PRKAG2: variants seen among roughly 807,000 people sequenced by gnomAD.
PRKAG2 encodes protein kinase AMP-activated non-catalytic subunit gamma 2, also known as 5'-AMP-activated protein kinase subunit gamma-2.
PRKAG2 carries 26 observed loss-of-function variants against 69.6 expected under a neutral mutation model. The ratio of observed to expected loss-of-function variants is 0.37; its 90% CI spans 0.27 to 0.52. The LOEUF is 0.52. Ranked by LOEUF, PRKAG2 falls within the 20% of genes least tolerant of loss-of-function variation. The pLI, the probability that PRKAG2 is intolerant of heterozygous loss-of-function variation, is 0.90. For synonymous variants in PRKAG2, 293 were observed against 285.0 expected (o/e 1.03, Z -0.28); for missense variants, 557 against 740.0 (o/e 0.75, Z 2.87).
At chr7:151,604,239 T>C (rs1237371856) in intron 5 of PRKAG2, among the ~76,000 whole-genome samples, 1 of 152,202 alleles carries the variant, frequency 6.6e-6, no homozygotes, top group African/African-American at 2.4e-5. Flanking sequence ...CCTGCCTCTG[T>C]CCTGCATGCA....
intron 4 of PRKAG2, among the ~76,000 whole-genome samples, chr7:151,674,446 T>A (rs1032149336): frequency 6.6e-6 from 1 of 152,204 alleles, no homozygotes; most frequent in African/African-American, 2.4e-5. Flanking sequence ...GTTCCAGCCA[T>A]ACAGGTAGAC....
At chr7:151,629,935 T>C (rs1823970132) in intron 5 of PRKAG2, among the ~76,000 whole-genome samples, 4 of 152,170 alleles carry the variant, frequency 2.6e-5, no homozygotes, top group Non-Finnish European at 5.9e-5. Context: ...GATATTCAAT[T>C]TTCCTGTATT....
chr7:151,829,416 T>C (rs1321661399), intron 1 of PRKAG2, among the ~76,000 whole-genome samples: 1 of 152,174 alleles, frequency 6.6e-6, no homozygotes, highest in African/African-American at 2.4e-5. Context: ...TGCTGGGAAT[T>C]GCTGGTGGGA....
At chr7:151,866,960 AG>A (rs2080094709) in intron 1 of PRKAG2, among the ~76,000 whole-genome samples, 2 of 151,964 alleles carry the variant, frequency 1.3e-5, no homozygotes, top group South Asian at 4.2e-4. Context: ...CAGAGGGAGC[AG>A]GCCTGGGTCC....
chr7:151,576,298 T>C, intron 7 of PRKAG2, 73 bp downstream of exon 7: 2 of 1,291,944 alleles, frequency 1.5e-6, no homozygotes, highest in Admixed American at 1.9e-5. Context: ...CAAACCGGCA[T>C]CTATTAAAAT....
chr7:151,580,119 G>C (rs879857230), intron 6 of PRKAG2, among the ~76,000 whole-genome samples: 3 of 152,150 alleles, frequency 2.0e-5, no homozygotes, highest in African/African-American at 4.8e-5. Flanking sequence ...CAAGGTGGGG[G>C]GATCACTTGA....
chr7:151,696,922 C>T (rs907872736), intron 3 of PRKAG2, among the ~76,000 whole-genome samples: 11 of 152,056 alleles, frequency 7.2e-5, no homozygotes, highest in Non-Finnish European at 1.5e-4. Context: ...TAGGACCAGG[C>T]GCTGCCACCT....
At chr7:151,803,775 T>C (rs2077960617) in intron 1 of PRKAG2, among the ~76,000 whole-genome samples, 1 of 151,306 alleles carries the variant, frequency 6.6e-6, no homozygotes, top group South Asian at 2.1e-4. Flanking sequence ...CCATCTCTAC[T>C]AAATATACAA....
At chr7:151,840,943 A>G (rs11773761) in intron 1 of PRKAG2, among the ~76,000 whole-genome samples, 24,276 of 152,248 alleles carry the variant, frequency 0.16, 1,986 homozygotes, top group East Asian at 0.28. Flanking sequence ...AGTCCAGCCT[A>G]TGAGACAGAG....
At chr7:151,607,942 G>A (rs1817893554) in intron 5 of PRKAG2, among the ~76,000 whole-genome samples, 1 of 152,192 alleles carries the variant, frequency 6.6e-6, no homozygotes, top group African/African-American at 2.4e-5. Flanking sequence ...GGTCTCTGCA[G>A]ATGTAACTAA....
intron 1 of PRKAG2, among the ~76,000 whole-genome samples, chr7:151,801,421 C>CT (rs5888452): frequency 0.72 from 109,021 of 152,020 alleles, 39,433 homozygotes; most frequent in African/African-American, 0.82. Context: ...CCTTGGCCCC[C>CT]AGGCTGGGGC....
In PRKAG2 at chr7:151,781,960, A is replaced by G. The variant is rs377661467; in HGVS notation, c.187-529T>C. Among the ~76,000 whole-genome samples, 20 of 152,048 alleles carry G rather than the reference A, an allele frequency of 1.3e-4. No individual in the cohort carries two copies. The highest frequency in any genetic ancestry group is 2.9e-4 in the Non-Finnish European group (20 of 68,018). ...AGCATTTGAAAGACTGAGGTTGCCA[A>G]CAGAAGTCAGGAGAAAAGTTCACAA... On this transcript the variant is annotated intron_variant, in intron 2 of 15. Coordinates refer to ENST00000287878, the MANE Select transcript of PRKAG2 (RefSeq NM_016203.4). The surrounding 1 kb of genome is among the most constrained non-coding windows in gnomAD (Gnocchi z 6.1).
At chr7:151,748,834 C>T (rs1336568010) in intron 3 of PRKAG2, among the ~76,000 whole-genome samples, 4 of 152,254 alleles carry the variant, frequency 2.6e-5, no homozygotes, top group Admixed American at 1.3e-4. Flanking sequence ...ACATCCGTGC[C>T]GTGCCACCTG....
chr7:151,737,938 C>A (rs112628716), intron 3 of PRKAG2, among the ~76,000 whole-genome samples: 29 of 120,796 alleles, frequency 2.4e-4, no homozygotes, highest in East Asian at 1.5e-3. Flanking sequence ...TCTGCCACTC[C>A]CACGGGGCCT....
At chr7:151,643,445 G>C (rs750240466) in intron 4 of PRKAG2, among the ~76,000 whole-genome samples, 11 of 152,180 alleles carry the variant, frequency 7.2e-5, no homozygotes, top group Admixed American at 5.2e-4. Context: ...ACTGTTAACT[G>C]TTTTTCAGCC....
chr7:151,680,076 G>A (rs1211152388), intron 3 of PRKAG2, among the ~76,000 whole-genome samples: 1 of 152,086 alleles, frequency 6.6e-6, no homozygotes, highest in African/African-American at 2.4e-5. Flanking sequence ...AACAAAATGA[G>A]CCCAAACTGC....
At chr7:151,619,293 G>C (rs1220988237) in intron 5 of PRKAG2, among the ~76,000 whole-genome samples, 1 of 152,236 alleles carries the variant, frequency 6.6e-6, no homozygotes, top group Non-Finnish European at 1.5e-5. Flanking sequence ...CAGGGATGAA[G>C]CAGCAAGCAC....
intron 4 of PRKAG2, among the ~76,000 whole-genome samples, chr7:151,637,707 G>GT (rs78930256): frequency 0.034 from 4,808 of 141,686 alleles, 197 homozygotes; most frequent in African/African-American, 0.1. Flanking sequence ...AAGTCATGAG[G>GT]TTTTTTTTTT....
chr7:151,715,450 T>C (rs1796034942), intron 3 of PRKAG2, among the ~76,000 whole-genome samples: 1 of 151,428 alleles, frequency 6.6e-6, no homozygotes, highest in Non-Finnish European at 1.5e-5. Flanking sequence ...AATTCTCCTG[T>C]CTCAGCAATT....
Sources: gnomAD v4.1 joint callset for allele counts (sites outside exome capture counted in the v4.1 genomes callset) on GRCh38, gnomAD v4.1.1 for gene constraint, Gnocchi (gnomAD v3.1) non-coding constraint, MANE v1.5 for transcripts, NCBI Gene and HGNC (gene_info 2026-07-23, HGNC 2026-07-21) for gene names.